Variants in CDH13 observed in about 807,000 individuals in gnomAD.
CDH13 encodes cadherin-13.
Under a neutral mutation model 63.8 loss-of-function variants are expected in CDH13, and 24 were observed. That is an observed-to-expected ratio of 0.38 (90% CI 0.27 to 0.53). The LOEUF is 0.53. Ranked by LOEUF, CDH13 falls within the 20% of genes least tolerant of loss-of-function variation. The probability of loss-of-function intolerance (pLI) is 0.85; values close to 1 mark genes in which losing one functional copy is unlikely to be tolerated. For missense variants in CDH13, 1,049 were observed against 903.1 expected, an observed-to-expected ratio of 1.16 and a Z score of -2.07; for synonymous variants, 503 against 355.3, an observed-to-expected ratio of 1.42 and a Z score of -4.67.
At chr16:82,975,577 G>T (rs1191308368) in intron 2 of CDH13, among the ~76,000 whole-genome samples, 5 of 152,156 alleles carry the variant, frequency 3.3e-5, no homozygotes, top group Admixed American at 1.3e-4. Context: ...GTATAGAGTT[G>T]GCACCCAACA....
chr16:83,260,112 A>G (rs1356462187), intron 5 of CDH13, among the ~76,000 whole-genome samples: 1 of 146,606 alleles, frequency 6.8e-6, no homozygotes, highest in African/African-American at 2.7e-5. Context: ...ACACACACAC[A>G]CACACACACA....
intron 2 of CDH13, among the ~76,000 whole-genome samples, chr16:82,982,644 T>A (rs1394421370): frequency 6.6e-6 from 1 of 152,174 alleles, no homozygotes; most frequent in Non-Finnish European, 1.5e-5. Flanking sequence ...CTATTTGCCA[T>A]TGAAAGTAAT....
intron 4 of CDH13, among the ~76,000 whole-genome samples, chr16:83,192,083 T>G (rs1257831190): frequency 6.6e-6 from 1 of 152,132 alleles, no homozygotes; most frequent in African/African-American, 2.4e-5. Flanking sequence ...CGGTCACTAT[T>G]TTGTTATTTA....
intron 3 of CDH13, among the ~76,000 whole-genome samples, chr16:83,062,313 T>C (rs750188525): frequency 1.3e-5 from 2 of 152,240 alleles, no homozygotes; most frequent in African/African-American, 2.4e-5. Flanking sequence ...TGTTACACTT[T>C]CACATTTTTA....
chr16:83,164,263 G>A (rs1171726408), intron 4 of CDH13, among the ~76,000 whole-genome samples: 12 of 151,960 alleles, frequency 7.9e-5, no homozygotes. Context: ...ACTGAAGGTT[G>A]GACAGATTCA....
intron 5 of CDH13, among the ~76,000 whole-genome samples, chr16:83,287,957 C>T (rs1181041174): frequency 6.6e-6 from 1 of 151,998 alleles, no homozygotes; most frequent in East Asian, 1.9e-4. Context: ...CCATAATGAG[C>T]AAAATATGAA....
At chr16:83,649,090 T>C (rs1393755214) in intron 8 of CDH13, among the ~76,000 whole-genome samples, 1 of 152,208 alleles carries the variant, frequency 6.6e-6, no homozygotes, top group Non-Finnish European at 1.5e-5. Flanking sequence ...TATTCCTGTT[T>C]TCTACTTATG....
rs181351422 is a variant in CDH13 at position 82,783,311 on chromosome 16, T to A, written c.46-75051T>A. On this transcript the variant is annotated intron_variant, in intron 1 of 13. Transcript: ENST00000567109. ...GCAAGGCTAGCAGGGAGGGGAGGGG[T>A]CCCTGGCCACAAAGCTCCAACCAGC... 2.2e-3 allele frequency among the ~76,000 whole-genome samples: 340 copies of A among 151,692 alleles called. 4 individuals carry two copies. The highest frequency in any genetic ancestry group is 9.2e-4 in the African/African-American group (38 of 41,310).
At chr16:82,802,909 C>A (rs904150994) in intron 1 of CDH13, among the ~76,000 whole-genome samples, 1 of 152,160 alleles carries the variant, frequency 6.6e-6, no homozygotes, top group African/African-American at 2.4e-5. Flanking sequence ...TTGCTGTCCT[C>A]CTTACTTTGA....
At chr16:82,889,594 C>G (rs552807818) in intron 2 of CDH13, among the ~76,000 whole-genome samples, 1 of 152,146 alleles carries the variant, frequency 6.6e-6, no homozygotes, top group Non-Finnish European at 1.5e-5. Flanking sequence ...ATAGTATCCA[C>G]AGGATACAAG....
At chr16:83,184,016 G>A (rs77459103) in intron 4 of CDH13, among the ~76,000 whole-genome samples, 1,865 of 151,464 alleles carry the variant, frequency 0.012, 62 homozygotes, top group South Asian at 0.11. Flanking sequence ...CCATAGCACT[G>A]ATTGTAGAGG....
At chr16:82,804,985 G>C (rs768417547) in intron 1 of CDH13, among the ~76,000 whole-genome samples, 2 of 152,294 alleles carry the variant, frequency 1.3e-5, no homozygotes, top group Non-Finnish European at 2.9e-5. Flanking sequence ...GTTCAAGGAT[G>C]ATATTCTCTT....
rs1386975946 is a variant in CDH13, at chr16:83,189,162, G to A, written c.484-28183G>A. ...AAGGCAAAAGCGGTCACTTTGTTCG[G>A]TGTGTGCTCTCATCCTAATTTAGGG... is the stretch of plus-strand genomic sequence containing the variant. On this transcript the variant is annotated intron_variant, in intron 4 of 13. Coordinates refer to ENST00000567109, the MANE Select transcript of CDH13 (RefSeq NM_001257.5). Among the ~76,000 whole-genome samples the A allele has an allele frequency of 4.6e-5, 7 of 152,112 alleles. No individual in the cohort carries two copies. The East Asian group carries it at 1.3e-3, about 29-fold the overall frequency.
At chr16:82,792,634 T>C (rs1597598964) in intron 1 of CDH13, among the ~76,000 whole-genome samples, 1 of 152,194 alleles carries the variant, frequency 6.6e-6, no homozygotes, top group East Asian at 1.9e-4. Flanking sequence ...GGACAAAGCC[T>C]GGTGGCAGGT....
chr16:83,291,311 T>A (rs2089460781), intron 5 of CDH13, among the ~76,000 whole-genome samples: 1 of 152,190 alleles, frequency 6.6e-6, no homozygotes. Flanking sequence ...TTCTACTTCT[T>A]CATCTTCCAG....
chr16:82,912,018 G>A (rs2041847226), intron 2 of CDH13, among the ~76,000 whole-genome samples: 1 of 151,910 alleles, frequency 6.6e-6, no homozygotes, highest in African/African-American at 2.4e-5. Context: ...TCTTCCGTGT[G>A]CAGCCCTCAG....
intron 7 of CDH13, among the ~76,000 whole-genome samples, chr16:83,497,490 A>G (rs930902367): frequency 2.6e-4 from 32 of 121,502 alleles, no homozygotes; most frequent in Non-Finnish European, 4.8e-5. Context: ...GAAGGGGAAT[A>G]TCACACTCTG....
intron 5 of CDH13, among the ~76,000 whole-genome samples, chr16:83,283,173 G>A (rs1380330162): frequency 3.9e-5 from 6 of 152,090 alleles, no homozygotes; most frequent in Admixed American, 6.5e-5. Flanking sequence ...TTTAATTAGG[G>A]CTCCTCCATC....
chr16:83,297,032 A>C lies in CDH13; in HGVS notation c.637-47830A>C, dbSNP rs1432905044. On this transcript the variant is annotated intron_variant, in intron 5 of 13. Transcript: ENST00000567109. ...CTCTGAAGAAGATGGAATGAAGGAG[A>C]GAGGGACTTCTGGAAGGCTGTGGAT... Among the ~76,000 whole-genome samples the C allele has an allele frequency of 2.0e-5, 3 of 152,248 alleles. No homozygotes were observed. The East Asian group carries it at 5.8e-4, about 29-fold the overall frequency.
Sources: allele counts gnomAD v4.1 joint callset (sites outside exome capture counted in the v4.1 genomes callset), GRCh38; gene constraint gnomAD v4.1.1; transcripts MANE v1.5; gene names NCBI Gene and HGNC (gene_info 2026-07-23, HGNC 2026-07-21).